ZNF385D: variants seen among roughly 807,000 people sequenced by gnomAD.
ZNF385D encodes the protein zinc finger protein 659.
In ZNF385D, 15 loss-of-function variants were observed where a neutral mutation model predicts 35.8. The ratio of observed to expected loss-of-function variants is 0.42; its 90% CI spans 0.28 to 0.64. The LOEUF (loss-of-function observed/expected upper bound fraction) is 0.64. ZNF385D is among the 30% of genes least tolerant of loss of function. ZNF385D has a pLI of 0.23. For missense variants in ZNF385D, 474 were observed against 494.6 expected, an observed-to-expected ratio of 0.96 and a Z score of 0.39; for synonymous variants, 212 against 186.8, an observed-to-expected ratio of 1.13 and a Z score of -1.10.
intron 2 of ZNF385D, among the ~76,000 whole-genome samples, chr3:21,659,425 G>T (rs1490160): frequency 0.22 from 33,239 of 151,980 alleles, 3,751 homozygotes; most frequent in East Asian, 0.33. Flanking sequence ...ATAAAAACTT[G>T]TAAAATTTCA....
chr3:22,083,847 C>T (rs544168674), intron 3 of ZNF385D, among the ~76,000 whole-genome samples: 1 of 152,276 alleles, frequency 6.6e-6, no homozygotes, highest in South Asian at 2.1e-4. Context: ...GTCAGGTTAT[C>T]CACAAAGGGA....
chr3:21,796,437 C>T (rs1389312538), intron 3 of ZNF385D, among the ~76,000 whole-genome samples: 1 of 152,178 alleles, frequency 6.6e-6, no homozygotes, highest in East Asian at 1.9e-4. Flanking sequence ...TTAGACATCA[C>T]TACCAAGTGG....
chr3:21,876,206 T>C (rs1559713908), intron 3 of ZNF385D, among the ~76,000 whole-genome samples: 2 of 151,610 alleles, frequency 1.3e-5, no homozygotes, highest in Admixed American at 6.6e-5. Context: ...ATAGAAAATG[T>C]TTGGAATTTT....
chr3:21,798,109 A>G (rs1385024608), intron 3 of ZNF385D, among the ~76,000 whole-genome samples: 1 of 152,176 alleles, frequency 6.6e-6, no homozygotes, highest in African/African-American at 2.4e-5. Flanking sequence ...GATAATGGGG[A>G]AGACTATGCG....
At chr3:21,542,053 T>C (rs2062190555) in intron 3 of ZNF385D, among the ~76,000 whole-genome samples, 1 of 152,188 alleles carries the variant, frequency 6.6e-6, no homozygotes, top group Non-Finnish European at 1.5e-5. Flanking sequence ...TTGACAATAG[T>C]AATTTTTTTT....
intron 4 of ZNF385D, among the ~76,000 whole-genome samples, chr3:21,477,245 CA>C (rs1200860155): frequency 2.6e-5 from 4 of 151,902 alleles, no homozygotes; most frequent in Non-Finnish European, 4.4e-5. Context: ...TAAAACAAAA[CA>C]AAACTAAACA....
intron 1 of ZNF385D, among the ~76,000 whole-genome samples, chr3:21,714,676 A>G (rs1575516639): frequency 6.6e-6 from 1 of 152,228 alleles, no homozygotes; most frequent in African/African-American, 2.4e-5. Context: ...CTTCAAAAAC[A>G]AAAACAAACA....
At chr3:22,160,628 G>T (rs897764630) in intron 3 of ZNF385D, among the ~76,000 whole-genome samples, 2 of 152,028 alleles carry the variant, frequency 1.3e-5, no homozygotes, top group African/African-American at 4.8e-5. Flanking sequence ...TCTGTTAAAT[G>T]AAAGAAAATT....
At chr3:22,251,707 AC>A (rs1198929306) in intron 2 of ZNF385D, among the ~76,000 whole-genome samples, 4 of 151,816 alleles carry the variant, frequency 2.6e-5, no homozygotes, top group Non-Finnish European at 4.4e-5. Flanking sequence ...AGGTAAAATC[AC>A]CCCCTCATCT....
intron 2 of ZNF385D, among the ~76,000 whole-genome samples, chr3:22,347,093 A>G (rs111825416): frequency 8.2e-5 from 12 of 145,714 alleles, no homozygotes; most frequent in African/African-American, 3.1e-4. Context: ...AAGTGACATA[A>G]AGAGAGAGAC....
At chr3:21,448,692 C>T (rs975735157) in intron 4 of ZNF385D, among the ~76,000 whole-genome samples, 3 of 152,134 alleles carry the variant, frequency 2.0e-5, no homozygotes, top group African/African-American at 4.8e-5. Flanking sequence ...TGTGTCTCTT[C>T]CCCAGCAAAG....
chr3:22,350,529 C>G (rs927987214), intron 2 of ZNF385D, among the ~76,000 whole-genome samples: 9 of 152,042 alleles, frequency 5.9e-5, no homozygotes, highest in African/African-American at 1.9e-4. Context: ...TGATTCCAGG[C>G]TTGACAAACC....
rs567254234 is a variant in ZNF385D, at chr3:22,349,751, A to G, written c.106+22699T>C. 1.0e-4 allele frequency among the ~76,000 whole-genome samples: 15 copies of G among 144,226 alleles called. No individual in the cohort carries two copies. In the South Asian group the frequency reaches 3.6e-3, roughly 34 times the overall value. The allele number at this position is 144,226 out of a possible 152,430, so 94.6% of individuals were successfully genotyped here. A position where few individuals can be genotyped will look rare whatever the true frequency, so the allele number is the denominator to read the frequency against. ...TTATGCAGTTTCCAGTGCAATATTT[A>G]TGGTCTGGGTCCAACCACACTTAGC... is the stretch of plus-strand genomic sequence containing the variant. On this transcript the variant is annotated intron_variant, in intron 2 of 5. Coordinates refer to the ZNF385D transcript ENST00000494108.
At chr3:21,440,788 G>T (rs1701820057) in intron 4 of ZNF385D, among the ~76,000 whole-genome samples, 1 of 152,040 alleles carries the variant, frequency 6.6e-6, no homozygotes, top group Admixed American at 6.6e-5. Flanking sequence ...TCAACAAATG[G>T]TGCATCATTC....
intron 2 of ZNF385D, among the ~76,000 whole-genome samples, chr3:22,323,405 A>G (rs570715897): frequency 6.6e-6 from 1 of 152,184 alleles, no homozygotes; most frequent in African/African-American, 2.4e-5. Flanking sequence ...ATGGAGCAGA[A>G]AGGGGGAAAG....
intron 3 of ZNF385D, among the ~76,000 whole-genome samples, chr3:21,883,614 G>A (rs1306842191): frequency 6.6e-6 from 1 of 151,992 alleles, no homozygotes; most frequent in African/African-American, 2.4e-5. Context: ...AATGACATAG[G>A]TTTAAAGAAA....
intron 2 of ZNF385D, among the ~76,000 whole-genome samples, chr3:21,602,018 G>A (rs1172409601): frequency 1.3e-5 from 2 of 152,200 alleles, no homozygotes; most frequent in South Asian, 2.1e-4. Context: ...AGAAAAAGGT[G>A]TAATTGACTT....
At chr3:21,666,099 A>G (rs1032968049) in intron 1 of ZNF385D, among the ~76,000 whole-genome samples, 5 of 152,200 alleles carry the variant, frequency 3.3e-5, no homozygotes, top group Non-Finnish European at 7.3e-5. Context: ...GTTTTTAAAA[A>G]CAAAGTAGAG....
intron 2 of ZNF385D, among the ~76,000 whole-genome samples, chr3:22,251,291 T>C (rs1305809499): frequency 6.6e-6 from 1 of 152,162 alleles, no homozygotes; most frequent in Non-Finnish European, 1.5e-5. Flanking sequence ...CAATTTAAGA[T>C]GATGTTTTCT....
Sources: gnomAD v4.1 joint callset for allele counts (sites outside exome capture counted in the v4.1 genomes callset) on GRCh38, gnomAD v4.1.1 for gene constraint, MANE v1.5 for transcripts, NCBI Gene and HGNC (gene_info 2026-07-23, HGNC 2026-07-21) for gene names.